The following THRB variants were observed in gnomAD, a reference collection of about 807,000 sequenced individuals.
THRB encodes the protein nuclear receptor subfamily 1 group A member 2.
THRB carries 12 observed loss-of-function variants against 47.8 expected under a neutral mutation model. The ratio of observed to expected loss-of-function variants is 0.25; its 90% CI spans 0.16 to 0.41. The LOEUF (loss-of-function observed/expected upper bound fraction) is 0.41, where lower values mean the gene tolerates loss of function less well. THRB is among the 10% of genes least tolerant of loss of function. The pLI is 1.00. For missense variants in THRB, 348 were observed against 589.2 expected (o/e 0.59, Z 4.24); for synonymous variants, 218 against 212.2 (o/e 1.03, Z -0.24).
At position 24,413,445 on chromosome 3, in the gene THRB, C is replaced by A. The variant is rs142696548; in HGVS notation, c.-260-76074G>T. ...GAATATGTTTATATTTAAGTATTGGCAGCAGCATTTGCCACATATATTTAG... is the reference window on the plus strand; with the variant it reads ...GAATATGTTTATATTTAAGTATTGGAAGCAGCATTTGCCACATATATTTAG... On this transcript the variant is annotated intron_variant, in intron 1 of 10. Coordinates refer to ENST00000646209, the MANE Select transcript of THRB (RefSeq NM_001354712.2). Among the ~76,000 whole-genome samples, 444 of 151,770 alleles carry A rather than the reference C, an allele frequency of 2.9e-3. 3 individuals carry two copies. The highest frequency in any genetic ancestry group is 0.01 in the African/African-American group (419 of 41,466).
intron 1 of THRB, among the ~76,000 whole-genome samples, chr3:24,489,668 G>A (rs949738214): frequency 1.3e-5 from 2 of 152,198 alleles, no homozygotes; most frequent in Admixed American, 6.5e-5. Context: ...AGAGCTGACA[G>A]TATATAAAGA....
intron 1 of THRB, among the ~76,000 whole-genome samples, chr3:24,410,855 ATG>A (rs2068232219): frequency 6.6e-6 from 1 of 151,828 alleles, no homozygotes; most frequent in African/African-American, 2.4e-5. Context: ...TGAATGATCT[ATG>A]TTGGCTATAA....
intron 2 of THRB, among the ~76,000 whole-genome samples, chr3:24,334,716 C>A (rs2062131641): frequency 6.6e-6 from 1 of 152,116 alleles, no homozygotes; most frequent in Admixed American, 6.5e-5. Flanking sequence ...GAAAGGGGCT[C>A]AGGAGGGACA....
intron 1 of THRB, among the ~76,000 whole-genome samples, chr3:24,475,226 A>T (rs1438775853): frequency 2.0e-5 from 3 of 152,172 alleles, no homozygotes; most frequent in Non-Finnish European, 2.9e-5. Flanking sequence ...AACAAATACG[A>T]ATAGCTATAA....
At chr3:24,281,396 T>G (rs1247598810) in intron 3 of THRB, among the ~76,000 whole-genome samples, 1 of 151,784 alleles carries the variant, frequency 6.6e-6, no homozygotes, top group Non-Finnish European at 1.5e-5. Flanking sequence ...CTGAGAGATT[T>G]TGTCACCACC....
chr3:24,172,930 C>G (rs2040618149), intron 5 of THRB, among the ~76,000 whole-genome samples: 1 of 152,130 alleles, frequency 6.6e-6, no homozygotes, highest in African/African-American at 2.4e-5. Flanking sequence ...GCTACAGCAG[C>G]CTTTTACTAG....
chr3:24,352,920 T>C (rs1226773269), intron 1 of THRB, among the ~76,000 whole-genome samples: 1 of 152,156 alleles, frequency 6.6e-6, no homozygotes, highest in African/African-American at 2.4e-5. Flanking sequence ...GCTTGATAAA[T>C]AAAGCTATTT....
chr3:24,365,816 A>G (rs2064415881), intron 1 of THRB, among the ~76,000 whole-genome samples: 1 of 152,146 alleles, frequency 6.6e-6, no homozygotes, highest in African/African-American at 2.4e-5. Context: ...CTTATTTTAT[A>G]ATGGCTTCTA....
chr3:24,445,260 G>C (rs2071955226), intron 1 of THRB, among the ~76,000 whole-genome samples: 1 of 151,858 alleles, frequency 6.6e-6, no homozygotes, highest in South Asian at 2.1e-4. Flanking sequence ...TAAATGTTAT[G>C]TTAAATTTTA....
chr3:24,394,070 T>A (rs1201876957), intron 1 of THRB, among the ~76,000 whole-genome samples: 1 of 152,140 alleles, frequency 6.6e-6, no homozygotes, highest in African/African-American at 2.4e-5. Flanking sequence ...AAAGGGAAGA[T>A]AAGGCTCAAA....
chr3:24,437,538 C>T (rs904676559), intron 1 of THRB, among the ~76,000 whole-genome samples: 1 of 151,976 alleles, frequency 6.6e-6, no homozygotes, highest in Non-Finnish European at 1.5e-5. Context: ...GGAATGTTTC[C>T]AACCCAAAGA....
intron 5 of THRB, among the ~76,000 whole-genome samples, chr3:24,189,042 G>T (rs2043005936): frequency 6.6e-6 from 1 of 151,216 alleles, no homozygotes; most frequent in East Asian, 1.9e-4. Context: ...TAATTCCCAG[G>T]AGCTTTCAAA....
At chr3:24,380,474 C>T (rs1216757117) in intron 1 of THRB, among the ~76,000 whole-genome samples, 1 of 151,824 alleles carries the variant, frequency 6.6e-6, no homozygotes, top group South Asian at 2.1e-4. Flanking sequence ...TTGATTGTAC[C>T]CTTCCCCCTC....
At position 24,171,328 on chromosome 3, in the gene THRB, C is replaced by G. The variant is rs58783226; in HGVS notation, c.283+18746G>C. Among the ~76,000 whole-genome samples, 714 of 152,256 alleles carry G rather than the reference C, an allele frequency of 4.7e-3. 6 individuals are homozygous for G. The highest frequency in any genetic ancestry group is 0.016 in the African/African-American group (665 of 41,548). On this transcript the variant is annotated intron_variant, in intron 5 of 10. Coordinates refer to ENST00000646209, the MANE Select transcript of THRB (RefSeq NM_001354712.2). ...AAAAGGACTTCAAATCAGTTCAACTCCAGAGATGTGAGCAGGGCAAGCTCC... is the reference window on the plus strand; with the variant it reads ...AAAAGGACTTCAAATCAGTTCAACTGCAGAGATGTGAGCAGGGCAAGCTCC...
chr3:24,487,185 T>G (rs1220136539), intron 1 of THRB, among the ~76,000 whole-genome samples: 1 of 151,970 alleles, frequency 6.6e-6, no homozygotes, highest in East Asian at 1.9e-4. Context: ...AGCAAAAAGG[T>G]TCTGTTGTGG....
chr3:24,228,557 T>A, intron 4 of THRB, among the ~76,000 whole-genome samples: 1 of 146,094 alleles, frequency 6.8e-6, no homozygotes, highest in East Asian at 2.0e-4. Context: ...ACTTGAGCCC[T>A]GGGAGGTTGG....
intron 1 of THRB, among the ~76,000 whole-genome samples, chr3:24,468,093 T>C (rs959879790): frequency 5.9e-5 from 9 of 152,238 alleles, no homozygotes; most frequent in African/African-American, 2.2e-4. Flanking sequence ...TTTTATGTTA[T>C]GGAGACAGCA....
At chr3:24,239,671 G>T (rs76304551) in intron 3 of THRB, among the ~76,000 whole-genome samples, 1 of 152,014 alleles carries the variant, frequency 6.6e-6, no homozygotes, top group Non-Finnish European at 1.5e-5. Context: ...GGTTATAAAG[G>T]AAAGAAGTCC....
intron 1 of THRB, among the ~76,000 whole-genome samples, chr3:24,388,096 C>T (rs2066278240): frequency 6.6e-6 from 1 of 152,078 alleles, no homozygotes; most frequent in Non-Finnish European, 1.5e-5. Flanking sequence ...GAGAGGGTGG[C>T]TGACTCTGAT....
Sources: gnomAD v4.1 joint callset for allele counts (sites outside exome capture counted in the v4.1 genomes callset) on GRCh38, gnomAD v4.1.1 for gene constraint, MANE v1.5 for transcripts, NCBI Gene and HGNC (gene_info 2026-07-23, HGNC 2026-07-21) for gene names.